XRN1: variants seen among roughly 807,000 people sequenced by gnomAD.
The protein encoded by XRN1 is 5'-3' exoribonuclease 1, also known as strand-exchange protein 1 homolog.
In XRN1, 67 loss-of-function variants were observed where a neutral mutation model predicts 222.3. The ratio of observed to expected loss-of-function variants is 0.30; its 90% confidence interval spans 0.25 to 0.37. The LOEUF (loss-of-function observed/expected upper bound fraction) is 0.37, where lower values mean the gene tolerates loss of function less well. Ranked by LOEUF, XRN1 falls within the 10% of genes least tolerant of loss-of-function variation. XRN1 has a pLI of 1.00. For synonymous variants in XRN1, 643 were observed against 652.4 expected (o/e 0.99, Z 0.22); for missense variants, 1,707 against 2,000.2 (o/e 0.85, Z 2.80).
intron 10 of XRN1, chr3:142,420,318 C>T (rs2068959753): frequency 6.6e-6 from 1 of 152,192 alleles, no homozygotes; most frequent in South Asian, 2.1e-4. Context: ...ATAAACCTCG[C>T]CCTGGGAAAA....
At chr3:142,347,824 C>G (rs2066192668) in intron 32 of XRN1, among the ~76,000 whole-genome samples, 2 of 151,382 alleles carry the variant, frequency 1.3e-5, no homozygotes, top group Admixed American at 1.3e-4. Context: ...TCTCAAACTC[C>G]TGGCCTTAAG....
intron 33 of XRN1, among the ~76,000 whole-genome samples, chr3:142,340,115 G>A (rs1428283246): frequency 6.6e-6 from 1 of 152,158 alleles, no homozygotes; most frequent in Non-Finnish European, 1.5e-5. Flanking sequence ...CAGCACTTTG[G>A]GAGGCCGAGG....
intron 33 of XRN1, among the ~76,000 whole-genome samples, chr3:142,340,133 A>G (rs2065953106): frequency 6.6e-6 from 1 of 152,144 alleles, no homozygotes; most frequent in Admixed American, 6.5e-5. Flanking sequence ...AGGTAGGTGG[A>G]TCACCTGAGG....
intron 20 of XRN1, among the ~76,000 whole-genome samples, chr3:142,389,172 C>T (rs534888059): frequency 1.3e-5 from 2 of 152,326 alleles, no homozygotes; most frequent in East Asian, 3.9e-4. Context: ...GAGATCGCAC[C>T]ACTGCACTCT....
In XRN1 at chr3:142,403,695, C is replaced by A. The variant is rs771107840; in HGVS notation, c.2082G>T (p.Val694=). 1 of 1,612,974 alleles carries A rather than the reference C, an allele frequency of 6.2e-7. No homozygotes were observed. Among genetic ancestry groups the A allele is most frequent in the African/African-American group, 1.3e-5 (1 of 74,896 alleles). The change falls in exon 18 of 41, where the codon GTG becomes GTT. Residue 694 remains valine (V), a synonymous_variant. Transcript: ENST00000392981. The part of the protein sequence containing the change: ...RGENMMLEIL[V]DAESDELTVE... ...TTACAAGTTCATCTGATTCTGCATC[C>A]ACTAAGATTTCCAACATCATGTTTT...
At chr3:142,365,435 C>G in intron 27 of XRN1, 69 bp from the exon 28 acceptor site, 1 of 1,161,704 alleles carries the variant, frequency 8.6e-7, no homozygotes, top group Non-Finnish European at 1.2e-6. Context: ...CTACTCACTA[C>G]TTCCACATGT....
intron 2 of XRN1, chr3:142,429,742 A>C (rs929325698): frequency 9.2e-5 from 14 of 152,216 alleles, no homozygotes; most frequent in African/African-American, 3.1e-4. Flanking sequence ...CCCTGAAGCT[A>C]AGTGTCTTCA....
chr3:142,365,570 A>T (rs1169440229), intron 27 of XRN1, among the ~76,000 whole-genome samples: 2 of 152,142 alleles, frequency 1.3e-5, no homozygotes, highest in African/African-American at 2.4e-5. Flanking sequence ...AAAATTTTTT[A>T]AAGTAAAATT....
At chr3:142,380,463 G>T (rs538069384) in intron 22 of XRN1, among the ~76,000 whole-genome samples, 75 of 152,030 alleles carry the variant, frequency 4.9e-4, no homozygotes, top group South Asian at 1.0e-3. Flanking sequence ...TTTTTGACAG[G>T]ATCTCATTCT....
intron 13 of XRN1, among the ~76,000 whole-genome samples, chr3:142,415,076 C>G (rs2108077579): frequency 6.6e-6 from 1 of 152,204 alleles, no homozygotes; most frequent in East Asian, 1.9e-4. Context: ...CTGGCCATTA[C>G]CAGTCAGATC....
At chr3:142,369,968 A>G (rs1179818915) in intron 27 of XRN1, among the ~76,000 whole-genome samples, 1 of 151,496 alleles carries the variant, frequency 6.6e-6, no homozygotes, top group Non-Finnish European at 1.5e-5. Flanking sequence ...AATTGCTTCA[A>G]TCTGGGAGGC....
chr3:142,424,121 A>C (rs2108119613), intron 5 of XRN1, among the ~76,000 whole-genome samples: 2 of 151,398 alleles, frequency 1.3e-5, no homozygotes, highest in East Asian at 3.9e-4. Context: ...TTTGAGACAG[A>C]GTCTCGCTCT....
At chr3:142,387,862 A>C (rs1048319000) in intron 20 of XRN1, among the ~76,000 whole-genome samples, 3 of 152,126 alleles carry the variant, frequency 2.0e-5, no homozygotes, top group African/African-American at 7.2e-5. Context: ...ACTGTTAAAA[A>C]GAACCTGGCA....
intron 36 of XRN1, among the ~76,000 whole-genome samples, chr3:142,330,846 G>A (rs375206443): frequency 4.6e-5 from 7 of 151,974 alleles, no homozygotes; most frequent in African/African-American, 1.7e-4. Flanking sequence ...CGCTCTTGTT[G>A]CCCAGGCTCG....
At chr3:142,372,866 A>G (rs1435912881) in intron 25 of XRN1, among the ~76,000 whole-genome samples, 1 of 152,246 alleles carries the variant, frequency 6.6e-6, no homozygotes, top group Non-Finnish European at 1.5e-5. Flanking sequence ...TCTCCGGGAA[A>G]GAAAAGATAA....
At chr3:142,379,468 G>T (rs1355829957) in intron 23 of XRN1, among the ~76,000 whole-genome samples, 1 of 152,148 alleles carries the variant, frequency 6.6e-6, no homozygotes, top group Non-Finnish European at 1.5e-5. Flanking sequence ...AAAGAACGAG[G>T]CATGAGAGTC....
At chr3:142,374,619 G>A (rs1481218206) in intron 25 of XRN1, among the ~76,000 whole-genome samples, 1 of 152,182 alleles carries the variant, frequency 6.6e-6, no homozygotes, top group Non-Finnish European at 1.5e-5. Flanking sequence ...CAGAGTGGTG[G>A]AAGTCAAAGA....
intron 34 of XRN1, among the ~76,000 whole-genome samples, chr3:142,333,795 C>T (rs530386222): frequency 1.3e-5 from 2 of 152,228 alleles, no homozygotes; most frequent in African/African-American, 2.4e-5. Context: ...TGAGAAGACG[C>T]ATCATCTGCA....
At chr3:142,356,298 G>C (rs1250778302) in intron 31 of XRN1, among the ~76,000 whole-genome samples, 2 of 152,072 alleles carry the variant, frequency 1.3e-5, no homozygotes, top group Non-Finnish European at 2.9e-5. Flanking sequence ...AGATTTTAGA[G>C]GACTTTTGCT....
Sources: allele counts gnomAD v4.1 joint callset (sites outside exome capture counted in the v4.1 genomes callset), GRCh38; gene constraint gnomAD v4.1.1; transcripts MANE v1.5; gene names NCBI Gene and HGNC (gene_info 2026-07-23, HGNC 2026-07-21).